Variants in GOLGA3 observed in about 807,000 individuals in gnomAD.
The protein encoded by GOLGA3 is golgin A3, also known as golgin subfamily A member 3.
In GOLGA3, 75 loss-of-function variants were observed where a neutral mutation model predicts 169.4. The observed-to-expected ratio is 0.44, with a 90% CI of 0.37 to 0.54. GOLGA3 has a LOEUF of 0.54. Ranked by LOEUF, GOLGA3 falls within the 20% of genes least tolerant of loss-of-function variation. GOLGA3 has a pLI of 0.00. For synonymous variants in GOLGA3, 824 were observed against 822.4 expected, an observed-to-expected ratio of 1.00 and a Z score of -0.03; for missense variants, 1,899 against 1,930.0, an observed-to-expected ratio of 0.98 and a Z score of 0.30.
chr12:132,812,890 C>T lies in GOLGA3; in HGVS notation c.519+417G>A, dbSNP rs375990858. On this transcript the variant is annotated intron_variant, in intron 4 of 23. Transcript: ENST00000450791. ...AGATGCTCCAACAGCAAAGAGATTA[C>T]GACTTGCTGAAGGCTCAGATGATCG... Among the ~76,000 whole-genome samples, 58 of 152,320 alleles carry T rather than the reference C, an allele frequency of 3.8e-4. No individual in the cohort carries two copies. The East Asian group carries it at 4.6e-3, about 12-fold the overall frequency.
chr12:132,774,251 C>T lies in GOLGA3; in HGVS notation c.4213G>A (p.Val1405Ile), dbSNP rs1319777520. ...AGCTCCTCCAGCAGCGAGGCGGGAACTGGGCAGTCCGGGATCTTGATGGGC... is the reference window on the plus strand; with the variant it reads ...AGCTCCTCCAGCAGCGAGGCGGGAATTGGGCAGTCCGGGATCTTGATGGGC... Reference protein sequence around the residue: ...ATPIKIPDCPVPASLLEELLR... With the variant: ...ATPIKIPDCPIPASLLEELLR... The change falls in exon 23 of 24, where the codon GTT becomes ATT. Residue 1405 changes from valine to isoleucine, a missense_variant. By Grantham distance (29) the Val-to-Ile change is conservative. Transcript: ENST00000450791. 1.9e-6 allele frequency: 3 copies of T among 1,612,728 alleles called. No homozygotes were observed. The East Asian group carries it at 6.7e-5, about 36-fold the overall frequency.
intron 7 of GOLGA3, among the ~76,000 whole-genome samples, chr12:132,803,859 C>T (rs374307820): frequency 1.3e-5 from 2 of 152,162 alleles, no homozygotes; most frequent in East Asian, 1.9e-4. Context: ...GCCCACCAAG[C>T]GGCCTCCCTG....
rs747555124 is a variant in GOLGA3, at chr12:132,798,320, G to A, written c.1938+20C>T. The A allele has an allele frequency of 4.0e-5, 64 of 1,589,850 alleles. No homozygotes were observed. The highest frequency in any genetic ancestry group is 1.7e-4 in the Middle Eastern group (1 of 5,968). On this transcript the variant is annotated intron_variant, in intron 9 of 23. Coordinates refer to ENST00000450791, the MANE Select transcript of GOLGA3 (RefSeq NM_001389683.1). ...TGCGTCTGTTCTCCTAAGCTTCCACGGCCCCGGCCGCAGCCTCACCTCAAT... is the reference window on the plus strand; with the variant it reads ...TGCGTCTGTTCTCCTAAGCTTCCACAGCCCCGGCCGCAGCCTCACCTCAAT...
At chr12:132,791,327 C>A in intron 11 of GOLGA3, 34 bp from the exon 12 acceptor site, 1 of 1,255,520 alleles carries the variant, frequency 8.0e-7, no homozygotes, top group Non-Finnish European at 1.2e-6. Context: ...ATTACACTGA[C>A]GGCTCCAGGA....
At chr12:132,778,306 G>A (rs997730255) in intron 18 of GOLGA3, among the ~76,000 whole-genome samples, 6 of 150,670 alleles carry the variant, frequency 4.0e-5, no homozygotes, top group Non-Finnish European at 7.4e-5. Context: ...CAGGCGTGGC[G>A]GCTCACGCCT....
At chr12:132,819,177 T>A (rs1950110478) in intron 2 of GOLGA3, among the ~76,000 whole-genome samples, 1 of 152,062 alleles carries the variant, frequency 6.6e-6, no homozygotes, top group African/African-American at 2.4e-5. Flanking sequence ...GGGTCAGCAT[T>A]CCTCGGATCC....
At chr12:132,810,024 C>T (rs1397288230) in intron 4 of GOLGA3, among the ~76,000 whole-genome samples, 1 of 152,114 alleles carries the variant, frequency 6.6e-6, no homozygotes, top group African/African-American at 2.4e-5. Flanking sequence ...GCGGGCAGAT[C>T]ATTTGAGGTA....
intron 8 of GOLGA3, among the ~76,000 whole-genome samples, chr12:132,801,259 G>A (rs1949114154): frequency 6.6e-6 from 1 of 152,246 alleles, no homozygotes; most frequent in African/African-American, 2.4e-5. Flanking sequence ...CTGCTGGGAA[G>A]ACGTGGTCCC....
At position 132,773,711 on chromosome 12, in the gene GOLGA3, T is replaced by C. The variant is rs536904011; in HGVS notation, c.4308-417A>G. On this transcript the variant is annotated intron_variant, in intron 23 of 23. Transcript: ENST00000450791. ...CACCTATGAGTTCACAGGCTGTGTG[T>C]GCGAGTTCCCCCACCTTTATATAAA... Among the ~76,000 whole-genome samples, 65 of 152,322 alleles carry C rather than the reference T, an allele frequency of 4.3e-4. 1 individual carries two copies. The Middle Eastern group carries it at 0.01, about 24-fold the overall frequency.
Position 132,813,328 on chromosome 12 carries a change from C to T in GOLGA3, c.498G>A (p.Arg166=). 5 of 1,612,256 alleles carry T rather than the reference C, an allele frequency of 3.1e-6. No individual in the cohort carries two copies. The highest frequency in any genetic ancestry group is 4.2e-6 in the Non-Finnish European group (5 of 1,178,600). Residue 166 remains arginine, a synonymous_variant, in exon 4 of 24, where the codon AGG becomes AGA. Coordinates refer to ENST00000450791, the MANE Select transcript of GOLGA3 (RefSeq NM_001389683.1). ...KWLEEQLKQY[R]VKRQQERSSQ... ...TCACCCTCTCCTGCTGGCGCTTCAC[C>T]CTGTACTGTTTGAGCTGCTCTTCCA... is the stretch of plus-strand genomic sequence containing the variant.
intron 22 of GOLGA3, 182 bp from the exon 23 acceptor site, chr12:132,774,502 G>T: frequency 1.6e-6 from 1 of 635,040 alleles, no homozygotes; most frequent in Non-Finnish European, 2.7e-6. Context: ...ATAGCTGGCT[G>T]AGGAAACACC....
At chr12:132,780,070 C>T (rs1207698876) in intron 18 of GOLGA3, among the ~76,000 whole-genome samples, 7 of 139,692 alleles carry the variant, frequency 5.0e-5, no homozygotes, top group South Asian at 2.3e-4. Flanking sequence ...CACACACACC[C>T]CAGGCACACG....
At position 132,773,042 on chromosome 12, in the gene GOLGA3, CAAAT is replaced by C. The variant is rs1593211235; in HGVS notation, c.*59_*62del. On this transcript the variant is annotated 3_prime_UTR_variant, in exon 24 of 24. Coordinates refer to ENST00000450791, the MANE Select transcript of GOLGA3 (RefSeq NM_001389683.1). ...CTTAGAAAAACATCGACCACACAAT[CAAAT>C]AAATAACATTGATAAGAGCCTTCTG... 19 of 1,185,298 alleles carry C rather than the reference CAAAT, an allele frequency of 1.6e-5. No individual in the cohort carries two copies. Among genetic ancestry groups the C allele is most frequent in the African/African-American group, 3.2e-5 (2 of 62,762 alleles). The allele number at this position is 1,185,298 out of a possible 1,614,324, so 73.4% of individuals were successfully genotyped here.
intron 4 of GOLGA3, among the ~76,000 whole-genome samples, chr12:132,808,952 G>A (rs1949562291): frequency 6.6e-6 from 1 of 152,220 alleles, no homozygotes; most frequent in Admixed American, 6.5e-5. Context: ...AAAGGCAGCT[G>A]GGCCTGGGGG....
chr12:132,792,805 CCCCA>C (rs1566097101), intron 11 of GOLGA3, among the ~76,000 whole-genome samples: 6 of 126,048 alleles, frequency 4.8e-5, no homozygotes, highest in Non-Finnish European at 1.0e-4. Context: ...CACGGACCCA[CCCCA>C]CGGGATCTCC....
intron 12 of GOLGA3, 119 bp from the exon 13 acceptor site, chr12:132,789,409 G>T: frequency 1.3e-6 from 1 of 795,092 alleles, no homozygotes; most frequent in Non-Finnish European, 1.9e-6. Flanking sequence ...ACTTTTTTGA[G>T]GTAAAGATAC....
intron 22 of GOLGA3, chr12:132,774,831 C>A (rs906750149): frequency 2.7e-5 from 13 of 485,924 alleles, no homozygotes; most frequent in Non-Finnish European, 3.6e-5. Context: ...CTGGGCACAG[C>A]TCCCGGGCCC....
chr12:132,804,954 C>T lies in GOLGA3; in HGVS notation c.1359G>A (p.Val453=). 3.1e-6 allele frequency: 5 copies of T among 1,613,268 alleles called. No homozygotes were observed. Among genetic ancestry groups the T allele is most frequent in the Non-Finnish European group, 3.4e-6 (4 of 1,179,956 alleles). The stretch of plus-strand genomic sequence containing the variant: ...GCTGCTGGCTGCTGTGGCTGCACTC[C>T]ACCTGCGCCTGCAGCTTCGTGCTGA... ...AALSTKLQAQ[V]ECSHSSQQRQ... The change falls in exon 7 of 24, where the codon GTG becomes GTA. Residue 453 remains valine, a synonymous_variant. Transcript: ENST00000450791. The surrounding 1 kb of genome is among the most constrained non-coding windows in gnomAD (Gnocchi z 4.1).
intron 17 of GOLGA3, 129 bp downstream of exon 17, chr12:132,782,167 T>G (rs1399335658): frequency 1.1e-6 from 1 of 877,746 alleles, no homozygotes; most frequent in African/African-American, 1.6e-5. Context: ...CTGAGCCTGT[T>G]CTCTCGGCTG....
Sources: allele counts gnomAD v4.1 joint callset (sites outside exome capture counted in the v4.1 genomes callset), GRCh38; gene constraint gnomAD v4.1.1; non-coding constraint Gnocchi (gnomAD v3.1); transcripts MANE v1.5; gene names NCBI Gene and HGNC (gene_info 2026-07-23, HGNC 2026-07-21).